The following GPR158 variants were observed in gnomAD, a reference collection of about 807,000 sequenced individuals.
The protein encoded by GPR158 is metabotropic glycine receptor.
Under a neutral mutation model 78.2 loss-of-function variants are expected in GPR158, and 30 were observed. That is an observed-to-expected ratio of 0.38 (90% CI 0.29 to 0.52). GPR158 has a LOEUF of 0.52. Among genes scored for constraint, GPR158 ranks in the 20% least tolerant of loss-of-function variants. The probability of loss-of-function intolerance (pLI) is 0.83; values close to 1 mark genes in which losing one functional copy is unlikely to be tolerated. For synonymous variants in GPR158, 581 were observed against 591.1 expected (o/e 0.98, Z 0.25); for missense variants, 1,463 against 1,523.5 (o/e 0.96, Z 0.66).
chr10:25,256,389 C>T (rs111583763), intron 2 of GPR158, among the ~76,000 whole-genome samples: 112 of 152,228 alleles, frequency 7.4e-4, no homozygotes, highest in African/African-American at 2.3e-3. Context: ...CAGTGGCTAA[C>T]GCCTATAAAC....
intron 2 of GPR158, among the ~76,000 whole-genome samples, chr10:25,341,833 A>G (rs1855306548): frequency 7.3e-6 from 1 of 137,312 alleles, no homozygotes. Context: ...ATGTATTCTG[A>G]AAAAAAACAA....
chr10:25,410,442 C>G (rs1834567854), intron 3 of GPR158, among the ~76,000 whole-genome samples: 1 of 152,012 alleles, frequency 6.6e-6, no homozygotes, highest in African/African-American at 2.4e-5. Flanking sequence ...ATGGTGAAAC[C>G]CTGTCTCTAC....
At chr10:25,507,609 T>A (rs577140319) in intron 5 of GPR158, among the ~76,000 whole-genome samples, 133 of 152,310 alleles carry the variant, frequency 8.7e-4, no homozygotes, top group Non-Finnish European at 1.6e-3. Context: ...AAGCTATATA[T>A]CACAAAGGAA....
intron 4 of GPR158, among the ~76,000 whole-genome samples, chr10:25,459,106 T>C (rs1427615307): frequency 6.6e-6 from 1 of 152,222 alleles, no homozygotes; most frequent in East Asian, 1.9e-4. Context: ...TACCTCTCAA[T>C]GTTAAGATTC....
chr10:25,251,078 T>G (rs1028251493), intron 2 of GPR158, among the ~76,000 whole-genome samples: 1 of 152,190 alleles, frequency 6.6e-6, no homozygotes, highest in African/African-American at 2.4e-5. Flanking sequence ...TGGCCTTCTT[T>G]GTCTCTTTTG....
At chr10:25,332,673 C>T (rs1010365393) in intron 2 of GPR158, among the ~76,000 whole-genome samples, 10 of 152,064 alleles carry the variant, frequency 6.6e-5, no homozygotes, top group African/African-American at 2.2e-4. Flanking sequence ...TCCATCATAC[C>T]GTGCTGCCTC....
At chr10:25,204,883 G>A (rs1387061475) in intron 1 of GPR158, among the ~76,000 whole-genome samples, 33 of 141,294 alleles carry the variant, frequency 2.3e-4, no homozygotes, top group Admixed American at 7.3e-5. Flanking sequence ...TGGTTTGGCT[G>A]TGTCCCCAAC....
intron 5 of GPR158, among the ~76,000 whole-genome samples, chr10:25,477,066 C>A (rs1258717245): frequency 2.6e-5 from 4 of 151,992 alleles, no homozygotes; most frequent in African/African-American, 9.7e-5. Context: ...AGATTGTTTT[C>A]TTCAATGATC....
intron 4 of GPR158, among the ~76,000 whole-genome samples, chr10:25,461,942 A>G (rs1835363081): frequency 6.6e-6 from 1 of 151,928 alleles, no homozygotes; most frequent in African/African-American, 2.4e-5. Context: ...GGGTTTCACC[A>G]TGTTAGCCAG....
At chr10:25,590,738 A>G (rs1464857052) in intron 8 of GPR158, among the ~76,000 whole-genome samples, 1 of 152,196 alleles carries the variant, frequency 6.6e-6, no homozygotes, top group African/African-American at 2.4e-5. Context: ...GTTGAGTTTA[A>G]ATGTCTTCTA....
chr10:25,495,295 C>CTTTTTTTTTTTT lies in GPR158; in HGVS notation c.1404+28585_1404+28596dup, dbSNP rs71399976. Among the ~76,000 whole-genome samples the CTTTTTTTTTTTT allele has an allele frequency of 1.6e-3, 143 of 91,102 alleles. 2 individuals are homozygous for CTTTTTTTTTTTT. The highest frequency in any genetic ancestry group is 3.6e-3 in the East Asian group (9 of 2,478). The allele number at this position is 91,102 out of a possible 152,430, so 59.8% of individuals were successfully genotyped here. ...TATTTTAAGCTATCATTCTTTTCTG[C>CTTTTTTTTTTTT]TTTTTTTTTTTTTTTTTTTTGAGAC... On this transcript the variant is annotated intron_variant, in intron 5 of 10. Transcript: ENST00000376351.
chr10:25,512,645 C>G (rs932562125), intron 5 of GPR158, among the ~76,000 whole-genome samples: 1 of 152,000 alleles, frequency 6.6e-6, no homozygotes. Context: ...TTTCCCTGTT[C>G]GGTATAATGT....
intron 2 of GPR158, among the ~76,000 whole-genome samples, chr10:25,303,785 T>G (rs1854631297): frequency 6.6e-6 from 1 of 152,168 alleles, no homozygotes; most frequent in Admixed American, 6.5e-5. Context: ...CAAAGTAAAA[T>G]GTAACAAAAA....
At chr10:25,498,061 G>A (rs1047515015) in intron 5 of GPR158, among the ~76,000 whole-genome samples, 9 of 152,206 alleles carry the variant, frequency 5.9e-5, no homozygotes, top group African/African-American at 2.2e-4. Context: ...AAGAGAAAGA[G>A]GAAGGTTTTG....
chr10:25,297,448 T>A (rs74783826), intron 2 of GPR158, among the ~76,000 whole-genome samples: 4,040 of 152,338 alleles, frequency 0.027, 183 homozygotes, highest in African/African-American at 0.092. Context: ...TTGTTTTGTG[T>A]TGCTTTAACT....
At chr10:25,301,498 A>G (rs1327942578) in intron 2 of GPR158, among the ~76,000 whole-genome samples, 2 of 152,196 alleles carry the variant, frequency 1.3e-5, no homozygotes, top group Non-Finnish European at 2.9e-5. Context: ...TAAAGTGAAT[A>G]TTATAAGCTA....
intron 7 of GPR158, among the ~76,000 whole-genome samples, chr10:25,582,932 G>A (rs990205556): frequency 6.6e-6 from 1 of 152,106 alleles, no homozygotes; most frequent in Admixed American, 6.6e-5. Context: ...AACAATTGCT[G>A]CCTGGAAAAA....
Position 25,241,311 on chromosome 10 carries a change from T to TTTCTTTTCTCTTCTCTTCTC in GPR158, c.1008+20158_1008+20159insTTTCTCTTCTCTTCTCTTCT, listed in dbSNP as rs1554787218. Among the ~76,000 whole-genome samples, 140 of 104,552 alleles carry TTTCTTTTCTCTTCTCTTCTC rather than the reference T, an allele frequency of 1.3e-3. 2 individuals carry two copies. Among genetic ancestry groups the TTTCTTTTCTCTTCTCTTCTC allele is most frequent in the Non-Finnish European group, 1.7e-3 (94 of 53,760 alleles). 68.6% of individuals were successfully genotyped at this position (104,552 alleles called of 152,430 possible). A position where few individuals can be genotyped will look rare whatever the true frequency, so the allele number is the denominator to read the frequency against. ...TTTCTTTTCTTTTCTTTTCTTTTCTTTTCTCTTCTCTTCTCTTCTCTTCTC... is the reference window on the plus strand; with the variant it reads ...TTTCTTTTCTTTTCTTTTCTTTTCTTTTCTTTTCTCTTCTCTTCTCTTCTCTTCTCTTCTCTTCTCTTCTC... On this transcript the variant is annotated intron_variant, in intron 2 of 10. Transcript: ENST00000376351.
In GPR158 at chr10:25,175,903, G is replaced by A; in HGVS notation, c.483G>A (p.Val161=). Residue 161 remains valine, a synonymous_variant, in exon 1 of 11, where the codon GTG becomes GTA. Transcript: ENST00000376351. This position sits in a 1 kb window ranked among gnomAD's most constrained non-coding sequence, Gnocchi z 6.4. ...ACCTGGATTGGTACCAGGCGCTGGT[G>A]TGGAGCCTTCTGGAGGGCGAGCCCA... is the stretch of plus-strand genomic sequence containing the variant. ...QDDLDWYQAL[V]WSLLEGEPSI... is the part of the protein sequence containing the mutation. 1 of 1,613,858 alleles carries A rather than the reference G, an allele frequency of 6.2e-7. No homozygotes were observed. The highest frequency in any genetic ancestry group is 1.6e-4 in the Middle Eastern group (1 of 6,062).
Sources: gnomAD v4.1 joint callset for allele counts (sites outside exome capture counted in the v4.1 genomes callset) on GRCh38, gnomAD v4.1.1 for gene constraint, Gnocchi (gnomAD v3.1) non-coding constraint, MANE v1.5 for transcripts, NCBI Gene and HGNC (gene_info 2026-07-23, HGNC 2026-07-21) for gene names.